Variants in SESTD1 observed in about 807,000 individuals in gnomAD.
SESTD1 encodes the protein SEC14 and spectrin domain containing 1.
In SESTD1, 43 loss-of-function variants were observed where a neutral mutation model predicts 101.7. The ratio of observed to expected loss-of-function variants is 0.42; its 90% CI spans 0.33 to 0.55. SESTD1 has a LOEUF of 0.55. Ranked by LOEUF, SESTD1 falls within the 20% of genes least tolerant of loss-of-function variation. The probability of loss-of-function intolerance (pLI) is 0.07; values close to 1 mark genes in which losing one functional copy is unlikely to be tolerated. For missense variants in SESTD1, 647 were observed against 815.1 expected (o/e 0.79, Z 2.51); for synonymous variants, 283 against 286.8 (o/e 0.99, Z 0.13).
chr2:179,105,691 GATAT>G lies in SESTD1; in HGVS notation c.*4204_*4207del, dbSNP rs1009199389. 6 of 152,044 alleles carry G rather than the reference GATAT, an allele frequency of 3.9e-5. No individual in the cohort carries two copies. Among genetic ancestry groups the G allele is most frequent in the Admixed American group, 6.6e-5 (1 of 15,252 alleles). The allele number at this position is 152,044 out of a possible 1,614,324, so 9.4% of individuals were successfully genotyped here. A position where few individuals can be genotyped will look rare whatever the true frequency, so the allele number is the denominator to read the frequency against. ...ATACCTTCCATTCTGTTTATTTCTG[GATAT>G]TTTGGCTTCAACAATTCTTTATATC... On this transcript the variant is annotated 3_prime_UTR_variant, in exon 18 of 18. Transcript: ENST00000428443.
chr2:179,118,711 A>G (rs2044687616), intron 13 of SESTD1, among the ~76,000 whole-genome samples: 1 of 152,254 alleles, frequency 6.6e-6, no homozygotes, highest in African/African-American at 2.4e-5. Flanking sequence ...TGAAGATGGT[A>G]TCATACATAT....
intron 1 of SESTD1, among the ~76,000 whole-genome samples, chr2:179,205,600 C>A (rs571147249): frequency 7.4e-6 from 1 of 134,866 alleles, no homozygotes; most frequent in Admixed American, 7.2e-5. Flanking sequence ...TCCAACCTTT[C>A]CTTTACACAA....
At chr2:179,263,018 T>C (rs1007225929) in intron 1 of SESTD1, among the ~76,000 whole-genome samples, 27 of 152,222 alleles carry the variant, frequency 1.8e-4, no homozygotes, top group African/African-American at 6.5e-4. Flanking sequence ...TCAATTCATT[T>C]TTCTAATGCT....
At chr2:179,239,922 A>T (rs1164101226) in intron 1 of SESTD1, among the ~76,000 whole-genome samples, 2 of 152,206 alleles carry the variant, frequency 1.3e-5, no homozygotes, top group Admixed American at 6.5e-5. Context: ...CAATCAAACT[A>T]TTCTGGTGCA....
At chr2:179,198,554 A>T (rs1461581930) in intron 1 of SESTD1, among the ~76,000 whole-genome samples, 1 of 152,120 alleles carries the variant, frequency 6.6e-6, no homozygotes, top group Admixed American at 6.6e-5. Flanking sequence ...CATACTTGGA[A>T]GTACAGCTCT....
chr2:179,161,650 G>C lies in SESTD1; in HGVS notation c.370-10259C>G, dbSNP rs141556178. 3.8e-3 allele frequency among the ~76,000 whole-genome samples: 556 copies of C among 146,564 alleles called. 6 individuals are homozygous for C. Among genetic ancestry groups the C allele is most frequent in the African/African-American group, 0.013 (524 of 39,596 alleles). On this transcript the variant is annotated intron_variant, in intron 5 of 17. Transcript: ENST00000428443. ...GCATTCCAGCCTGGCAACACAGTGA[G>C]ACTCCGTCTCAAAAAAAAAAAAAAA...
intron 3 of SESTD1, among the ~76,000 whole-genome samples, chr2:179,182,786 T>C (rs946765997): frequency 6.6e-6 from 1 of 152,152 alleles, no homozygotes; most frequent in Admixed American, 6.6e-5. Context: ...TTCTACTGAT[T>C]AAATTCTCCA....
chr2:179,162,619 T>C (rs139081552), intron 5 of SESTD1: 10 of 152,224 alleles, frequency 6.6e-5, no homozygotes, highest in Admixed American at 5.2e-4. Context: ...GTATCTTTGA[T>C]TGACTCTCTA....
intron 1 of SESTD1, among the ~76,000 whole-genome samples, chr2:179,260,507 C>A (rs990195510): frequency 2.0e-5 from 3 of 151,950 alleles, no homozygotes; most frequent in Non-Finnish European, 2.9e-5. Flanking sequence ...CAGAGTGAGA[C>A]CCTGTCTCAA....
chr2:179,195,071 C>T (rs1022516375), intron 1 of SESTD1, among the ~76,000 whole-genome samples: 7 of 152,204 alleles, frequency 4.6e-5, no homozygotes, highest in African/African-American at 1.7e-4. Context: ...CTTTAGAAGC[C>T]TCCAGCCCAT....
At chr2:179,149,516 G>A (rs188319150) in intron 6 of SESTD1, 122 bp from the exon 7 acceptor site, 9 of 601,046 alleles carry the variant, frequency 1.5e-5, no homozygotes, top group Admixed American at 1.2e-4. Flanking sequence ...CCAGCAGTTC[G>A]TGCAATTCTA....
chr2:179,109,552 T>C lies in SESTD1; in HGVS notation c.*347A>G, dbSNP rs555275313. On this transcript the variant is annotated 3_prime_UTR_variant, in exon 18 of 18. Coordinates refer to ENST00000428443, the MANE Select transcript of SESTD1 (RefSeq NM_178123.5). ...ACCTGTGGAGGAAGGGCAACTTTTT[T>C]TTTTCTTTTTAATAGAGAGAATTCC... 2.1e-4 allele frequency: 82 copies of C among 395,978 alleles called. 1 individual carries two copies. The South Asian group carries it at 0.011, about 52-fold the overall frequency. The allele number at this position is 395,978 out of a possible 1,614,324, so 24.5% of individuals were successfully genotyped here. A position where few individuals can be genotyped will look rare whatever the true frequency, so the allele number is the denominator to read the frequency against.
rs529141259 is a variant in SESTD1 at position 179,137,489 on chromosome 2, G to A, written c.850-5063C>T. 3.3e-5 allele frequency among the ~76,000 whole-genome samples: 5 copies of A among 152,310 alleles called. No homozygotes were observed. The East Asian group carries it at 9.6e-4, about 29-fold the overall frequency. ...GATTCCTCTCTACAGAGGAAGAAAAGCACATGGATGATTCTAGAAATAACA... is the reference window on the plus strand; with the variant it reads ...GATTCCTCTCTACAGAGGAAGAAAAACACATGGATGATTCTAGAAATAACA... On this transcript the variant is annotated intron_variant, in intron 9 of 17. Transcript: ENST00000428443.
At chr2:179,229,749 TTATATATATATATATA>T (rs71023472) in intron 1 of SESTD1, among the ~76,000 whole-genome samples, 1 of 106,362 alleles carries the variant, frequency 9.4e-6, no homozygotes, top group Admixed American at 9.9e-5. Context: ...TTGTAAGAAC[TTATATATATATATATA>T]TATATATATA....
At chr2:179,236,826 A>C (rs1009017652) in intron 1 of SESTD1, among the ~76,000 whole-genome samples, 2 of 151,326 alleles carry the variant, frequency 1.3e-5, no homozygotes, top group African/African-American at 4.9e-5. Flanking sequence ...AGGCTTTACA[A>C]TCATGAGTTG....
intron 6 of SESTD1, among the ~76,000 whole-genome samples, chr2:179,150,501 T>C (rs1294848835): frequency 1.3e-5 from 2 of 151,870 alleles, no homozygotes; most frequent in Admixed American, 1.3e-4. Context: ...CTGAAAATGG[T>C]ATAGCAACTA....
chr2:179,249,408 C>T (rs1020198445), intron 1 of SESTD1, among the ~76,000 whole-genome samples: 2 of 151,892 alleles, frequency 1.3e-5, no homozygotes, highest in African/African-American at 4.8e-5. Context: ...AAAAACAATA[C>T]CATTTATAAT....
rs146395964 is a variant in SESTD1 at position 179,161,778 on chromosome 2, T to G, written c.369+10342A>C. 5.8e-4 allele frequency among the ~76,000 whole-genome samples: 88 copies of G among 152,350 alleles called. 4 individuals carry two copies. In the East Asian group the frequency reaches 0.016, roughly 28 times the overall value. ...AAAAAACCTAGCTGGCTTGTTTTTG[T>G]AATTTTCATATTTCTTTTTAAGCAA... On this transcript the variant is annotated intron_variant, in intron 5 of 17. Transcript: ENST00000428443.
intron 1 of SESTD1, among the ~76,000 whole-genome samples, chr2:179,203,089 G>A (rs1242021039): frequency 1.5e-5 from 2 of 134,416 alleles, no homozygotes; most frequent in African/African-American, 5.9e-5. Context: ...GATCCCAGAT[G>A]GGAAACAATG....
Sources: allele counts gnomAD v4.1 joint callset (sites outside exome capture counted in the v4.1 genomes callset), GRCh38; gene constraint gnomAD v4.1.1; transcripts MANE v1.5; gene names NCBI Gene and HGNC (gene_info 2026-07-23, HGNC 2026-07-21).